Variants in PCDHGA12 observed in about 807,000 individuals in gnomAD.
The protein encoded by PCDHGA12 is protocadherin gamma subfamily A, 12.
Under a neutral mutation model 61.1 loss-of-function variants are expected in PCDHGA12, and 43 were observed. That is an observed-to-expected ratio of 0.70 (90% CI 0.55 to 0.91). The LOEUF (loss-of-function observed/expected upper bound fraction) is 0.91, where lower values mean the gene tolerates loss of function less well. Among genes scored for constraint, PCDHGA12 ranks in the 40% least tolerant of loss-of-function variants. The pLI, the probability that PCDHGA12 is intolerant of heterozygous loss-of-function variation, is 0.00. For missense variants in PCDHGA12, 1,236 were observed against 1,227.7 expected, an observed-to-expected ratio of 1.01 and a Z score of -0.10; for synonymous variants, 520 against 542.9, an observed-to-expected ratio of 0.96 and a Z score of 0.59.
At position 141,491,899 on chromosome 5, in the gene PCDHGA12, G is replaced by A; in HGVS notation, c.2425-2908G>A. The A allele has an allele frequency of 7.0e-7, 1 of 1,433,322 alleles. No homozygotes were observed. Among genetic ancestry groups the A allele is most frequent in the South Asian group, 1.5e-5 (1 of 67,156 alleles). The allele number at this position is 1,433,322 out of a possible 1,614,324, so 88.8% of individuals were successfully genotyped here. A position where few individuals can be genotyped will look rare whatever the true frequency, so the allele number is the denominator to read the frequency against. On this transcript the variant is annotated intron_variant, in intron 1 of 3. Coordinates refer to ENST00000252085, the MANE Select transcript of PCDHGA12 (RefSeq NM_003735.3). The surrounding 1 kb of genome is among the most constrained non-coding windows in gnomAD (Gnocchi z 6.9). ...TTAAGGGATGGGGCTCCGAGCACCG[G>A]GGGTGGTGGCGACTGTGGGCGAGGG... is the stretch of plus-strand genomic sequence containing the variant.
rs757797019 is a variant in PCDHGA12 at position 141,487,064 on chromosome 5, G to A, written c.2425-7743G>A. On this transcript the variant is annotated intron_variant, in intron 1 of 3. Transcript: ENST00000252085. The surrounding 1 kb of genome is among the most constrained non-coding windows in gnomAD (Gnocchi z 5.0). The stretch of plus-strand genomic sequence containing the variant: ...TCGATATGCTGGGGAGGTGCGGACG[G>A]CTGTTCCTATCCCAGCTGACCTCCC... 6.2e-6 allele frequency: 10 copies of A among 1,614,006 alleles called. No individual in the cohort carries two copies.
In PCDHGA12 at chr5:141,432,142, C is replaced by T; in HGVS notation, c.1383C>T (p.Ile461=). 1 of 1,614,098 alleles carries T rather than the reference C, an allele frequency of 6.2e-7. No individual in the cohort carries two copies. Among genetic ancestry groups the T allele is most frequent in the Non-Finnish European group, 8.5e-7 (1 of 1,180,016 alleles). Residue 461 remains isoleucine (I), a synonymous_variant, in exon 1 of 4, where the codon ATC becomes ATT. Transcript: ENST00000252085. This position sits in a 1 kb window ranked among gnomAD's most constrained non-coding sequence, Gnocchi z 6.0. Reference sequence around the variant, plus strand: ...CTCAGGCCTCCTATTCCGCTTATATCCCAGAGAACAATCCCAGAGGAGTTT... The same window carrying T: ...CTCAGGCCTCCTATTCCGCTTATATTCCAGAGAACAATCCCAGAGGAGTTT... ...VFPQASYSAY[I]PENNPRGVSL... is the part of the protein sequence containing the mutation.
chr5:141,458,540 TTTTG>T (rs754668779), intron 1 of PCDHGA12, among the ~76,000 whole-genome samples: 43 of 150,468 alleles, frequency 2.9e-4, no homozygotes, highest in East Asian at 1.7e-3. Context: ...ATCAACTTTA[TTTTG>T]TTTGTTTGTT....
intron 1 of PCDHGA12, among the ~76,000 whole-genome samples, chr5:141,445,119 T>C (rs975225604): frequency 1.3e-5 from 2 of 152,270 alleles, no homozygotes; most frequent in African/African-American, 4.8e-5. Context: ...TTGTAAATAG[T>C]ATTTTTAAAA....
In PCDHGA12 at chr5:141,511,445, A is replaced by G; in HGVS notation, c.*272A>G. ...GGTAGTGGGGTTACTGTAGACACCA[A>G]GAACCATTTGCCACACCCCGTTTAG... On this transcript the variant is annotated 3_prime_UTR_variant, in exon 4 of 4. Coordinates refer to ENST00000252085, the MANE Select transcript of PCDHGA12 (RefSeq NM_003735.3). 4.5e-6 allele frequency: 3 copies of G among 659,774 alleles called. No individual in the cohort carries two copies. Among genetic ancestry groups the G allele is most frequent in the Non-Finnish European group, 4.9e-6 (2 of 412,228 alleles). 40.9% of individuals were successfully genotyped at this position (659,774 alleles called of 1,614,324 possible). A position where few individuals can be genotyped will look rare whatever the true frequency, so the allele number is the denominator to read the frequency against.
rs1591337394 is a variant in PCDHGA12, at chr5:141,434,573, C to A, written c.2424+1390C>A. 2.0e-5 allele frequency among the ~76,000 whole-genome samples: 3 copies of A among 152,336 alleles called. No individual in the cohort carries two copies. The South Asian group carries it at 6.2e-4, about 32-fold the overall frequency. On this transcript the variant is annotated intron_variant, in intron 1 of 3. Transcript: ENST00000252085. The stretch of plus-strand genomic sequence containing the variant: ...TCTGTGCCTTAAGGACATGCCCCTG[C>A]TGCAGATAACTACCTCAATCCATCC...
At position 141,512,047 on chromosome 5, in the gene PCDHGA12, C is replaced by T. The variant is rs1183612907; in HGVS notation, c.*874C>T. 1 of 152,722 alleles carries T rather than the reference C, an allele frequency of 6.5e-6. No individual in the cohort carries two copies. The highest frequency in any genetic ancestry group is 1.5e-5 in the Non-Finnish European group (1 of 68,120). The allele number at this position is 152,722 out of a possible 1,614,324, so 9.5% of individuals were successfully genotyped here. A position where few individuals can be genotyped will look rare whatever the true frequency, so the allele number is the denominator to read the frequency against. On this transcript the variant is annotated 3_prime_UTR_variant, in exon 4 of 4. Coordinates refer to ENST00000252085, the MANE Select transcript of PCDHGA12 (RefSeq NM_003735.3). The stretch of plus-strand genomic sequence containing the variant: ...CCTTGGAGGAGGCTCTGTATGTCCT[C>T]AGGGGACTGACAACATCCTCCAGAT...
chr5:141,432,797 T>C lies in PCDHGA12; in HGVS notation c.2038T>C (p.Ser680Pro), dbSNP rs1591218426. Residue 680 changes from serine to proline, a missense_variant, in exon 1 of 4, where the codon TCT becomes CCT. Physicochemically the swap from Ser to Pro is moderately conservative, Grantham distance 74. Coordinates refer to ENST00000252085, the MANE Select transcript of PCDHGA12 (RefSeq NM_003735.3). The surrounding 1 kb of genome is among the most constrained non-coding windows in gnomAD (Gnocchi z 6.0). Reference protein sequence around the residue: ...QVLADLGSLESPANSETSDLT... With the variant: ...QVLADLGSLEPPANSETSDLT... The stretch of plus-strand genomic sequence containing the variant: ...CCTGGCGGACCTCGGCAGCCTCGAG[T>C]CTCCAGCTAACTCTGAAACCTCAGA... 2.5e-6 allele frequency: 4 copies of C among 1,613,752 alleles called. No individual in the cohort carries two copies. The highest frequency in any genetic ancestry group is 2.7e-5 in the African/African-American group (2 of 74,816).
chr5:141,477,268 C>T lies in PCDHGA12; in HGVS notation c.2425-17539C>T. ...TGACTGACCTGGATGCTGGCGAGAA[C>T]GGGCTGGTGACCTGCGAAGTTCCAC... On this transcript the variant is annotated intron_variant, in intron 1 of 3. Transcript: ENST00000252085. The surrounding 1 kb of genome is among the most constrained non-coding windows in gnomAD (Gnocchi z 4.9). The T allele has an allele frequency of 6.2e-7, 1 of 1,614,196 alleles. No individual in the cohort carries two copies. The highest frequency in any genetic ancestry group is 8.5e-7 in the Non-Finnish European group (1 of 1,180,030).
At chr5:141,452,528 A>T (rs1592223895) in intron 1 of PCDHGA12, among the ~76,000 whole-genome samples, 1 of 152,206 alleles carries the variant, frequency 6.6e-6, no homozygotes, top group African/African-American at 2.4e-5. Flanking sequence ...CAAAATCGTG[A>T]GTTCATATTG....
chr5:141,462,125 A>G (rs918645911), intron 1 of PCDHGA12, among the ~76,000 whole-genome samples: 24 of 151,688 alleles, frequency 1.6e-4, no homozygotes, highest in African/African-American at 5.6e-4. Flanking sequence ...ACCCAGTCCA[A>G]TTTTTTGTAT....
chr5:141,473,848 A>T (rs1281010822), intron 1 of PCDHGA12, among the ~76,000 whole-genome samples: 1 of 152,198 alleles, frequency 6.6e-6, no homozygotes, highest in Non-Finnish European at 1.5e-5. Flanking sequence ...TTTTAGGAAG[A>T]TGAACCTCGC....
In PCDHGA12 at chr5:141,511,216, C is replaced by A. The variant is rs374915167; in HGVS notation, c.*43C>A. On this transcript the variant is annotated 3_prime_UTR_variant, in exon 4 of 4. Coordinates refer to ENST00000252085, the MANE Select transcript of PCDHGA12 (RefSeq NM_003735.3). Reference sequence around the variant, plus strand: ...GAGCCACAGGGCGGCCTCTCCCCAACCAGCCCAGCTTCTCCTTACCTGCAC... The same window carrying A: ...GAGCCACAGGGCGGCCTCTCCCCAAACAGCCCAGCTTCTCCTTACCTGCAC... The A allele has an allele frequency of 6.2e-7, 1 of 1,608,004 alleles. No homozygotes were observed. The highest frequency in any genetic ancestry group is 1.3e-5 in the African/African-American group (1 of 74,736).
At chr5:141,478,050 C>T (rs2099429383) in intron 1 of PCDHGA12, 1 of 1,614,066 alleles carries the variant, frequency 6.2e-7, no homozygotes, top group Non-Finnish European at 8.5e-7. Flanking sequence ...CAGACTCTCA[C>T]GGTCTTGATC....
At chr5:141,506,597 C>T (rs937487600) in intron 3 of PCDHGA12, among the ~76,000 whole-genome samples, 4 of 152,150 alleles carry the variant, frequency 2.6e-5, no homozygotes, top group Admixed American at 6.5e-5. Context: ...ACAGTATTAA[C>T]GGATCTCATT....
At chr5:141,449,021 C>T (rs897401758) in intron 1 of PCDHGA12, among the ~76,000 whole-genome samples, 3 of 152,104 alleles carry the variant, frequency 2.0e-5, no homozygotes, top group Non-Finnish European at 4.4e-5. Context: ...AGTTGCTTAG[C>T]ATTCCTTTGG....
At chr5:141,494,714 C>G in intron 1 of PCDHGA12, 93 bp from the exon 2 acceptor site, 2 of 1,603,958 alleles carry the variant, frequency 1.2e-6, no homozygotes, top group East Asian at 4.5e-5. Context: ...TGTGCCCACT[C>G]CCCTCCTTCT....
At chr5:141,458,662 C>A (rs948275548) in intron 1 of PCDHGA12, among the ~76,000 whole-genome samples, 2 of 152,064 alleles carry the variant, frequency 1.3e-5, no homozygotes, top group Non-Finnish European at 2.9e-5. Flanking sequence ...CTCCACCTCT[C>A]GGGTTCAAGC....
chr5:141,464,266 AAAAAAAAAAAAGC>A (rs2099079689), intron 1 of PCDHGA12, among the ~76,000 whole-genome samples: 2 of 138,926 alleles, frequency 1.4e-5, no homozygotes, highest in Admixed American at 1.4e-4. Flanking sequence ...CTCCGTCTAA[AAAAAAAAAAAAGC>A]AAAAAAAAAA....
Sources: gnomAD v4.1 joint callset for allele counts (sites outside exome capture counted in the v4.1 genomes callset) on GRCh38, gnomAD v4.1.1 for gene constraint, Gnocchi (gnomAD v3.1) non-coding constraint, MANE v1.5 for transcripts, NCBI Gene and HGNC (gene_info 2026-07-23, HGNC 2026-07-21) for gene names.